Variants in ZNF107 observed in about 807,000 individuals in gnomAD.
ZNF107 encodes C2H2 type zinc-finger protein.
Under a neutral mutation model 12.3 loss-of-function variants are expected in ZNF107, and 19 were observed. The observed-to-expected ratio is 1.55, with a 90% confidence interval of 1.08 to 2.27. The LOEUF is 2.27. Among genes scored for constraint, ZNF107 ranks in the 30% most tolerant of loss-of-function variants. The pLI is 0.00. For missense variants in ZNF107, 958 were observed against 979.9 expected, an observed-to-expected ratio of 0.98 and a Z score of 0.30; for synonymous variants, 317 against 330.5, an observed-to-expected ratio of 0.96 and a Z score of 0.44.
At chr7:64,669,828 C>T (rs962108174) in intron 1 of ZNF107, among the ~76,000 whole-genome samples, 3 of 152,166 alleles carry the variant, frequency 2.0e-5, no homozygotes, top group East Asian at 1.9e-4. Context: ...TATATAAATA[C>T]TGTGCATAAT....
chr7:64,690,360 G>T, intron 1 of ZNF107: 1 of 985,418 alleles, frequency 1.0e-6, no homozygotes, highest in Non-Finnish European at 1.2e-6. Flanking sequence ...CCCAGCTGCA[G>T]TTCTGTTCAG....
chr7:64,685,446 G>A (rs28879694), intron 1 of ZNF107, among the ~76,000 whole-genome samples: 52,928 of 151,966 alleles, frequency 0.35, 9,719 homozygotes, highest in Non-Finnish European at 0.4. Flanking sequence ...GTAATGGCAG[G>A]CATACGCACT....
In ZNF107 at chr7:64,704,186, C is replaced by T. The variant is rs369322425; in HGVS notation, c.227-2138C>T. On this transcript the variant is annotated intron_variant, in intron 3 of 3. Transcript: ENST00000620827. ...AGATAATAATTAAAAATGCTTTATG[C>T]GCCATTATGATAATGCTGTGAAATT... Among the ~76,000 whole-genome samples the T allele has an allele frequency of 2.0e-4, 31 of 152,088 alleles. 1 individual carries two copies. The Middle Eastern group carries it at 0.024, about 117-fold the overall frequency.
intron 1 of ZNF107, among the ~76,000 whole-genome samples, chr7:64,683,032 C>T (rs920229715): frequency 1.3e-5 from 2 of 152,184 alleles, no homozygotes; most frequent in South Asian, 2.1e-4. Flanking sequence ...AACCAATTTT[C>T]GCCAGCCAAG....
intron 3 of ZNF107, among the ~76,000 whole-genome samples, chr7:64,701,044 T>G (rs1790460533): frequency 6.6e-6 from 1 of 152,204 alleles, no homozygotes; most frequent in Non-Finnish European, 1.5e-5. Flanking sequence ...TTTGAAGCCC[T>G]ATTGTTATAT....
Position 64,709,223 on chromosome 7 carries a change from T to A in ZNF107, c.*567T>A, listed in dbSNP as rs541719608. On this transcript the variant is annotated 3_prime_UTR_variant, in exon 4 of 4. Coordinates refer to ENST00000620827, the MANE Select transcript of ZNF107 (RefSeq NM_001282359.2). ...AAAGAAACCCTACAAATGTGAAGTC[T>A]GTGGCAAAGCTTTTAACTGATTCTC... 103 of 404,798 alleles carry A rather than the reference T, an allele frequency of 2.5e-4. No homozygotes were observed. Among genetic ancestry groups the A allele is most frequent in the African/African-American group, 2.0e-3 (96 of 47,784 alleles). 25.1% of individuals were successfully genotyped at this position (404,798 alleles called of 1,614,324 possible).
intron 1 of ZNF107, among the ~76,000 whole-genome samples, chr7:64,676,391 A>G (rs1316327081): frequency 2.6e-5 from 4 of 152,190 alleles, no homozygotes; most frequent in East Asian, 3.8e-4. Context: ...TATTAGGACT[A>G]TTTGGTCAAG....
At chr7:64,679,535 G>A (rs1160843835) in intron 1 of ZNF107, among the ~76,000 whole-genome samples, 1 of 152,106 alleles carries the variant, frequency 6.6e-6, no homozygotes, top group African/African-American at 2.4e-5. Flanking sequence ...CCTGCTGAAG[G>A]TCCTTGTGGT....
chr7:64,692,598 G>T (rs1342577644), intron 3 of ZNF107, among the ~76,000 whole-genome samples: 1 of 152,012 alleles, frequency 6.6e-6, no homozygotes, highest in African/African-American at 2.4e-5. Flanking sequence ...TGAATCTATA[G>T]ATCACTTTGG....
intron 3 of ZNF107, among the ~76,000 whole-genome samples, chr7:64,695,952 A>C (rs1456253464): frequency 6.6e-6 from 1 of 152,190 alleles, no homozygotes; most frequent in Non-Finnish European, 1.5e-5. Flanking sequence ...AAGGCCAGGC[A>C]TGGTGGTGGC....
At position 64,706,883 on chromosome 7, in the gene ZNF107, T is replaced by C. The variant is rs1291137313; in HGVS notation, c.786T>C (p.Cys262=). Residue 262 remains cysteine (C), a synonymous_variant, in exon 4 of 4, where the codon TGT becomes TGC. Transcript: ENST00000620827. ...AGAAACCCAACAAATGTGAAGAATGTGGCAAGGCCTTTAAACAGGCCTCAC... is the reference window on the plus strand; with the variant it reads ...AGAAACCCAACAAATGTGAAGAATGCGGCAAGGCCTTTAAACAGGCCTCAC... ...TEEKPNKCEE[C]GKAFKQASHL... 1 of 1,613,416 alleles carries C rather than the reference T, an allele frequency of 6.2e-7. No individual in the cohort carries two copies. The highest frequency in any genetic ancestry group is 1.7e-5 in the Admixed American group (1 of 59,958).
At chr7:64,692,221 AAG>A in intron 3 of ZNF107, among the ~76,000 whole-genome samples, 1 of 118,270 alleles carries the variant, frequency 8.5e-6, no homozygotes, top group South Asian at 3.2e-4. Context: ...CATGGCATAT[AAG>A]AGAGTGCACA....
chr7:64,688,747 A>G (rs1053668712), intron 1 of ZNF107, among the ~76,000 whole-genome samples: 5 of 152,148 alleles, frequency 3.3e-5, no homozygotes, highest in African/African-American at 1.2e-4. Flanking sequence ...AAATAATACC[A>G]CAATTATGTA....
At chr7:64,684,776 C>T in intron 1 of ZNF107, 1 of 952,268 alleles carries the variant, frequency 1.1e-6, no homozygotes, top group Non-Finnish European at 1.3e-6. Context: ...GATGAGACGC[C>T]TCTGTTTACC....
At chr7:64,701,411 G>A (rs1270758518) in intron 3 of ZNF107, among the ~76,000 whole-genome samples, 2 of 150,548 alleles carry the variant, frequency 1.3e-5, no homozygotes. Flanking sequence ...ACAAGGGTGT[G>A]CCACCATGCC....
rs1340567639 is a variant in ZNF107, at chr7:64,708,329, A to T, written c.2232A>T (p.Leu744=). Residue 744 remains leucine (L), a synonymous_variant, in exon 4 of 4, where the codon CTA becomes CTT. Transcript: ENST00000620827. ...KCKECGKAFN[L]SSTLTAHKKI... The stretch of plus-strand genomic sequence containing the variant: ...AAGAATGTGGCAAAGCTTTTAACCT[A>T]TCCTCAACCCTTACTGCACATAAGA... 2.5e-6 allele frequency: 4 copies of T among 1,612,980 alleles called. No homozygotes were observed. The highest frequency in any genetic ancestry group is 3.4e-6 in the Non-Finnish European group (4 of 1,179,618).
chr7:64,703,196 A>G (rs1159346802), intron 3 of ZNF107, among the ~76,000 whole-genome samples: 1 of 152,220 alleles, frequency 6.6e-6, no homozygotes, highest in Non-Finnish European at 1.5e-5. Context: ...ATTGTGTATG[A>G]CAATATTTAA....
At chr7:64,677,473 GA>G (rs1457728725) in intron 1 of ZNF107, among the ~76,000 whole-genome samples, 3 of 19,572 alleles carry the variant, frequency 1.5e-4, no homozygotes, top group Non-Finnish European at 3.1e-4. Context: ...CACCTCGCCG[GA>G]TTTTTTTTTT....
chr7:64,667,425 T>G (rs1388542199), intron 1 of ZNF107, among the ~76,000 whole-genome samples: 1 of 151,600 alleles, frequency 6.6e-6, no homozygotes, highest in Non-Finnish European at 1.5e-5. Context: ...CACTGTATTG[T>G]AAAAAAAAGT....
Sources: allele counts gnomAD v4.1 joint callset (sites outside exome capture counted in the v4.1 genomes callset), GRCh38; gene constraint gnomAD v4.1.1; transcripts MANE v1.5; gene names NCBI Gene and HGNC (gene_info 2026-07-23, HGNC 2026-07-21).